NFAT5: variants seen among roughly 807,000 people sequenced by gnomAD.
NFAT5 encodes the protein nuclear factor of activated T-cells 5.
NFAT5 carries 31 observed loss-of-function variants against 166.5 expected under a neutral mutation model. The ratio of observed to expected loss-of-function variants is 0.19; its 90% CI spans 0.14 to 0.25. The LOEUF (loss-of-function observed/expected upper bound fraction) is 0.25. NFAT5 is among the 10% of genes least tolerant of loss of function. NFAT5 has a pLI of 1.00. For synonymous variants in NFAT5, 612 were observed against 639.7 expected (o/e 0.96, Z 0.65); for missense variants, 1,449 against 1,821.8 (o/e 0.80, Z 3.72).
intron 3 of NFAT5, among the ~76,000 whole-genome samples, chr16:69,633,719 A>G (rs1032232861): frequency 6.6e-6 from 1 of 152,206 alleles, no homozygotes; most frequent in African/African-American, 2.4e-5. Context: ...AATTTGTTGA[A>G]GGATACAAAA....
intron 5 of NFAT5, among the ~76,000 whole-genome samples, chr16:69,654,089 G>C (rs1051461931): frequency 3.3e-5 from 5 of 152,058 alleles, no homozygotes; most frequent in African/African-American, 4.8e-5. Flanking sequence ...AAAGTTAAAA[G>C]GGACTTAAAT....
intron 11 of NFAT5, among the ~76,000 whole-genome samples, chr16:69,689,240 G>C (rs969277674): frequency 6.6e-6 from 1 of 152,084 alleles, no homozygotes; most frequent in African/African-American, 2.4e-5. Flanking sequence ...TTGTACCACT[G>C]CACTCCCACC....
intron 7 of NFAT5, among the ~76,000 whole-genome samples, chr16:69,663,329 T>A (rs2036227092): frequency 6.6e-6 from 1 of 152,186 alleles, no homozygotes; most frequent in Non-Finnish European, 1.5e-5. Context: ...TAGAAGATCA[T>A]CCCTTTTTAC....
intron 7 of NFAT5, among the ~76,000 whole-genome samples, chr16:69,663,614 A>G (rs2036242315): frequency 1.3e-5 from 2 of 151,230 alleles, no homozygotes; most frequent in African/African-American, 2.4e-5. Context: ...ACACGCCTGT[A>G]ATACCAGCAC....
At position 69,693,929 on chromosome 16, in the gene NFAT5, C is replaced by T. The variant is rs1348682590; in HGVS notation, c.4104C>T (p.Pro1368=). The T allele has an allele frequency of 6.2e-7, 1 of 1,614,228 alleles. No homozygotes were observed. The highest frequency in any genetic ancestry group is 8.5e-7 in the Non-Finnish European group (1 of 1,180,022). ...CCCAGTCGGAATCATCACAGACCCC[C>T]TTGTTCCATAGCTCTCCTCAGATTC... ...GPTQSESSQT[P]LFHSSPQIQL... The change falls in exon 13 of 15, where the codon CCC becomes CCT. Residue 1368 remains proline (P), a synonymous_variant. Transcript: ENST00000349945.
At chr16:69,586,080 CT>C (rs971234220) in intron 2 of NFAT5, among the ~76,000 whole-genome samples, 1 of 151,966 alleles carries the variant, frequency 6.6e-6, no homozygotes, top group African/African-American at 2.4e-5. Flanking sequence ...AGATGCACTA[CT>C]TTTTTTTGTA....
intron 10 of NFAT5, 76 bp from the exon 11 acceptor site, chr16:69,684,811 C>T (rs1284945898): frequency 1.1e-6 from 1 of 896,162 alleles, no homozygotes; most frequent in Non-Finnish European, 1.7e-6. Flanking sequence ...ACAAGATATT[C>T]TAATTAAAGA....
rs182377476 is a variant in NFAT5, at chr16:69,652,488, G to A, written c.813-748G>A. On this transcript the variant is annotated intron_variant, in intron 4 of 14. Coordinates refer to ENST00000349945, the MANE Select transcript of NFAT5 (RefSeq NM_138713.4). ...AAAAAAAAGGTAGAATGCTGGTGCTGTAAAGCCCAGATTGTAAAAATTTTT... is the reference window on the plus strand; with the variant it reads ...AAAAAAAAGGTAGAATGCTGGTGCTATAAAGCCCAGATTGTAAAAATTTTT... 5.5e-3 allele frequency among the ~76,000 whole-genome samples: 834 copies of A among 150,408 alleles called. 4 individuals are homozygous for A. The highest frequency in any genetic ancestry group is 7.9e-3 in the Non-Finnish European group (533 of 67,632).
At chr16:69,574,020 C>T (rs1420742483) in intron 2 of NFAT5, among the ~76,000 whole-genome samples, 1 of 151,880 alleles carries the variant, frequency 6.6e-6, no homozygotes, top group Non-Finnish European at 1.5e-5. Flanking sequence ...TACAAGGGCG[C>T]ACCACCACAC....
intron 2 of NFAT5, among the ~76,000 whole-genome samples, chr16:69,587,953 T>TC (rs2032195752): frequency 7.2e-6 from 1 of 139,524 alleles, no homozygotes; most frequent in African/African-American, 2.7e-5. Flanking sequence ...TCTTTTTTTT[T>TC]TTTTTTTTTT....
At chr16:69,675,364 A>C (rs537658366) in intron 9 of NFAT5, among the ~76,000 whole-genome samples, 1 of 152,346 alleles carries the variant, frequency 6.6e-6, no homozygotes, top group Admixed American at 6.5e-5. Flanking sequence ...AACTCTAGAT[A>C]GACTGTTTCT....
At chr16:69,610,122 T>C (rs1271364732) in intron 2 of NFAT5, among the ~76,000 whole-genome samples, 1 of 152,188 alleles carries the variant, frequency 6.6e-6, no homozygotes, top group East Asian at 1.9e-4. Flanking sequence ...TTTTTAAGGC[T>C]TTAAAAATAA....
At chr16:69,672,081 A>G (rs999836348) in intron 9 of NFAT5, among the ~76,000 whole-genome samples, 10 of 152,262 alleles carry the variant, frequency 6.6e-5, no homozygotes, top group Admixed American at 5.9e-4. Flanking sequence ...AGCCAGAGGT[A>G]AAGACCAGAA....
intron 2 of NFAT5, among the ~76,000 whole-genome samples, chr16:69,594,884 A>G (rs1205768306): frequency 1.3e-5 from 2 of 152,172 alleles, no homozygotes; most frequent in African/African-American, 2.4e-5. Context: ...TCCAAGTCCC[A>G]AAGCTGAAGA....
chr16:69,692,275 A>G lies in NFAT5; in HGVS notation c.2450A>G (p.Gln817Arg), dbSNP rs748695955. ...AGCAGTGGAAGTGTTGACTTGGTCC[A>G]ACAAGTTTTAGAGGCACAGCAGCAG... ...SGSSGSVDLVQQVLEAQQQLS... is the reference protein window; with the variant it reads ...SGSSGSVDLVRQVLEAQQQLS... The change falls in exon 13 of 15, where the codon CAA becomes CGA. Residue 817 changes from glutamine (Q) to arginine (R), a missense_variant. Gln to Arg is a conservative substitution (Grantham distance 43). Coordinates refer to ENST00000349945, the MANE Select transcript of NFAT5 (RefSeq NM_138713.4). 1 of 1,614,242 alleles carries G rather than the reference A, an allele frequency of 6.2e-7. No homozygotes were observed. The highest frequency in any genetic ancestry group is 8.5e-7 in the Non-Finnish European group (1 of 1,180,042).
Position 69,653,289 on chromosome 16 carries a change from G to A in NFAT5, c.866G>A (p.Gly289Glu), listed in dbSNP as rs1567577596. ...GTAAAGAAGAGCCCTATGTTGTGTG[G>A]ACAATATCCTGTTAAAAGTGAGGGA... The part of the protein sequence containing the change: ...TGVKKSPMLC[G>E]QYPVKSEGKE... The change falls in exon 5 of 15, where the codon GGA becomes GAA. Residue 289 changes from glycine (G) to glutamate (E), a missense_variant. Around this residue, in one of 7 missense-constraint regions of NFAT5, gnomAD observed 115 missense variants for 177.1 expected, o/e 0.65. Coordinates refer to ENST00000349945, the MANE Select transcript of NFAT5 (RefSeq NM_138713.4). The A allele has an allele frequency of 6.2e-7, 1 of 1,611,548 alleles. No homozygotes were observed. Among genetic ancestry groups the A allele is most frequent in the East Asian group, 2.2e-5 (1 of 44,762 alleles).
intron 2 of NFAT5, among the ~76,000 whole-genome samples, chr16:69,577,632 C>T (rs1222910693): frequency 1.3e-5 from 2 of 152,048 alleles, no homozygotes; most frequent in African/African-American, 4.8e-5. Context: ...TTGCCTGGGG[C>T]TGGAGTGGGC....
chr16:69,623,228 G>C (rs780388058), intron 2 of NFAT5, among the ~76,000 whole-genome samples: 20 of 151,854 alleles, frequency 1.3e-4, no homozygotes, highest in Non-Finnish European at 2.4e-4. Context: ...AAAGATAATT[G>C]TATTACAATG....
intron 2 of NFAT5, among the ~76,000 whole-genome samples, chr16:69,593,649 C>G (rs2032615288): frequency 6.6e-6 from 1 of 151,840 alleles, no homozygotes; most frequent in African/African-American, 2.4e-5. Context: ...TTTGAGAACA[C>G]AGGTAAAAGG....
Sources: gnomAD v4.1 joint callset for allele counts (sites outside exome capture counted in the v4.1 genomes callset) on GRCh38, gnomAD v4.1.1 for gene constraint, gnomAD v4.1.1 regional missense constraint, MANE v1.5 for transcripts, NCBI Gene and HGNC (gene_info 2026-07-23, HGNC 2026-07-21) for gene names.